The following ITGA7 variants were observed in gnomAD, a reference collection of about 807,000 sequenced individuals.
ITGA7 encodes the protein integrin subunit alpha 7.
A neutral mutation model predicts 131.6 loss-of-function variants in ITGA7; 84 were observed. The ratio of observed to expected loss-of-function variants is 0.64; its 90% CI spans 0.54 to 0.77. The LOEUF (loss-of-function observed/expected upper bound fraction) is 0.77, where lower values mean the gene tolerates loss of function less well. ITGA7 is among the 30% of genes least tolerant of loss of function. ITGA7 has a pLI of 0.00. For synonymous variants in ITGA7, 548 were observed against 600.7 expected, an observed-to-expected ratio of 0.91 and a Z score of 1.28; for missense variants, 1,399 against 1,482.9, an observed-to-expected ratio of 0.94 and a Z score of 0.93.
intron 5 of ITGA7, 58 bp downstream of exon 5, chr12:55,699,812 G>A (rs1480655150): frequency 1.9e-6 from 3 of 1,564,948 alleles, no homozygotes; most frequent in East Asian, 2.3e-5. Flanking sequence ...GAGTTCCCTG[G>A]GGAAGGAGGG....
chr12:55,686,247 G>A, intron 24 of ITGA7: 1 of 1,350,248 alleles, frequency 7.4e-7, no homozygotes, highest in Non-Finnish European at 9.8e-7. Context: ...AGGCTGCACA[G>A]CCAGACAGGC....
chr12:55,712,288 C>A, upstream of ITGA7: 1 of 1,532,076 alleles, frequency 6.5e-7, no homozygotes, highest in South Asian at 1.2e-5. Context: ...TCTCAAGGGC[C>A]CCCTTTCTTT....
At chr12:55,700,524 C>G (rs1873754239) in intron 4 of ITGA7, 1 of 1,132,418 alleles carries the variant, frequency 8.8e-7, no homozygotes, top group Non-Finnish European at 1.2e-6. Context: ...CTGTCCCCAA[C>G]CCAGGCTTCC....
chr12:55,699,605 T>G (rs1873498858), intron 5 of ITGA7: 2 of 526,326 alleles, frequency 3.8e-6, no homozygotes, highest in East Asian at 6.9e-5. Context: ...CAAAATATCC[T>G]CAGCCCTGGC....
At chr12:55,688,981 T>C (rs922677676) in intron 21 of ITGA7, 24 bp from the exon 22 acceptor site, 5 of 1,582,992 alleles carry the variant, frequency 3.2e-6, no homozygotes, top group Non-Finnish European at 3.5e-6. Context: ...CAGACAGGGG[T>C]CTAAGCCACT....
chr12:55,687,080 A>G (rs1433649782), intron 24 of ITGA7, among the ~76,000 whole-genome samples: 2 of 149,814 alleles, frequency 1.3e-5, no homozygotes, highest in East Asian at 2.0e-4. Context: ...TCTCAACTCA[A>G]CACTTCCTGC....
upstream of ITGA7, among the ~76,000 whole-genome samples, chr12:55,712,917 T>C (rs763784443): frequency 1.3e-5 from 2 of 152,170 alleles, no homozygotes; most frequent in Admixed American, 6.5e-5. Context: ...TCTACACCGA[T>C]TGTGAAAATG....
chr12:55,704,526 C>A (rs530393648), intron 1 of ITGA7, among the ~76,000 whole-genome samples: 1 of 152,168 alleles, frequency 6.6e-6, no homozygotes, highest in East Asian at 1.9e-4. Flanking sequence ...CCTACTATGA[C>A]GTCAGATCCG....
At chr12:55,715,916 C>T (rs1876475407), upstream of ITGA7, 4 of 1,116,884 alleles carry the variant, frequency 3.6e-6, no homozygotes, top group Non-Finnish European at 3.7e-6. Context: ...TTCCAACACT[C>T]ACCAAAAACT....
In ITGA7 at chr12:55,688,951, C is replaced by A; in HGVS notation, c.2851G>T (p.Ala951Ser). 6.2e-7 allele frequency: 1 copy of A among 1,613,628 alleles called. No homozygotes were observed. Among genetic ancestry groups the A allele is most frequent in the Non-Finnish European group, 8.5e-7 (1 of 1,179,676 alleles). Residue 951 changes from alanine (A) to serine (S), a missense_variant, in exon 22 of 25, where the codon GCC (alanine) becomes TCC (serine). Physicochemically the swap from Ala to Ser is moderately conservative, Grantham distance 99. Coordinates refer to ENST00000257879, the MANE Select transcript of ITGA7 (RefSeq NM_002206.3). ...ACCACACAGTTGGCCGTGCCCCGGG[C>A]GCAGTCCTAGGGATAAGGACAGACA... is the stretch of plus-strand genomic sequence containing the variant. ...EKKKNITLDC[A>S]RGTANCVVFS...
Position 55,707,822 on chromosome 12 carries a change from C to CCCG in ITGA7, c.-141_-140insCGG. 1 of 1,411,496 alleles carries CCCG rather than the reference C, an allele frequency of 7.1e-7. No homozygotes were observed. The highest frequency in any genetic ancestry group is 9.5e-7 in the Non-Finnish European group (1 of 1,057,386). The allele number at this position is 1,411,496 out of a possible 1,614,324, so 87.4% of individuals were successfully genotyped here. A position where few individuals can be genotyped will look rare whatever the true frequency, so the allele number is the denominator to read the frequency against. Reference sequence around the variant, plus strand: ...TCTCCCAGACGTTCGCCCCGCCAGCCCTCCCGCCCGCCCGCCGCTCCGCCA... The same window carrying CCCG: ...TCTCCCAGACGTTCGCCCCGCCAGCCCCGCTCCCGCCCGCCCGCCGCTCCGCCA... On this transcript the variant is annotated 5_prime_UTR_variant, in exon 1 of 25. Transcript: ENST00000257879.
rs185488818 is a variant in ITGA7 at position 55,704,488 on chromosome 12, G to A, written c.207-1310C>T. 1.7e-3 allele frequency among the ~76,000 whole-genome samples: 253 copies of A among 152,312 alleles called. 2 individuals carry two copies. The highest frequency in any genetic ancestry group is 2.7e-3 in the Non-Finnish European group (181 of 68,020). On this transcript the variant is annotated intron_variant, in intron 1 of 24. Coordinates refer to ENST00000257879, the MANE Select transcript of ITGA7 (RefSeq NM_002206.3). ...GCCAAGCCCTGTGTCAGGCGCTGGT[G>A]AGACAAGGAAATCATATTTATTCAG...
At position 55,694,598 on chromosome 12, in the gene ITGA7, AG is replaced by A. The variant is rs1374437500; in HGVS notation, c.2277+16del. 1.2e-6 allele frequency: 2 copies of A among 1,613,726 alleles called. No individual in the cohort carries two copies. Among genetic ancestry groups the A allele is most frequent in the East Asian group, 4.5e-5 (2 of 44,876 alleles). On this transcript the variant is annotated intron_variant, in intron 16 of 24. Coordinates refer to ENST00000257879, the MANE Select transcript of ITGA7 (RefSeq NM_002206.3). The surrounding 1 kb of genome is among the most constrained non-coding windows in gnomAD (Gnocchi z 5.3). ...TGGAGAGGCTACTCACGTAGGGATA[AG>A]GGCAGATGTGCCAACCTGGGCACCT...
chr12:55,711,173 A>G (rs1435724012), upstream of ITGA7, among the ~76,000 whole-genome samples: 7 of 152,212 alleles, frequency 4.6e-5, no homozygotes, highest in Non-Finnish European at 7.3e-5. Context: ...TATTTTTACA[A>G]CTTCCTCTGA....
chr12:55,696,455 C>T lies in ITGA7; in HGVS notation c.1738-23G>A, dbSNP rs149716542. 1,948 of 1,585,422 alleles carry T rather than the reference C, an allele frequency of 1.2e-3. 23 individuals are homozygous for T. The African/African-American group carries it at 0.024, about 19-fold the overall frequency. On this transcript the variant is annotated intron_variant, in intron 12 of 24. Transcript: ENST00000257879. ...TTCCTAGGAAGAGGAAGGTCTATTCCTCACTGGAACAATCCCCAGGCCTCA... is the reference window on the plus strand; with the variant it reads ...TTCCTAGGAAGAGGAAGGTCTATTCTTCACTGGAACAATCCCCAGGCCTCA...
In ITGA7 at chr12:55,694,588, C is replaced by G. The variant is rs150274527; in HGVS notation, c.2277+27G>C. ...TACGGGCTTATGGAGAGGCTACTCA[C>G]GTAGGGATAAGGGCAGATGTGCCAA... On this transcript the variant is annotated intron_variant, in intron 16 of 24. Coordinates refer to ENST00000257879, the MANE Select transcript of ITGA7 (RefSeq NM_002206.3). The surrounding 1 kb of genome is among the most constrained non-coding windows in gnomAD (Gnocchi z 5.3). 6.2e-7 allele frequency: 1 copy of G among 1,613,372 alleles called. No homozygotes were observed. The highest frequency in any genetic ancestry group is 1.1e-5 in the South Asian group (1 of 91,066).
chr12:55,712,780 C>A (rs1011221856), upstream of ITGA7, among the ~76,000 whole-genome samples: 1 of 152,142 alleles, frequency 6.6e-6, no homozygotes, highest in Non-Finnish European at 1.5e-5. Context: ...TGGAGGATAA[C>A]CCTAGAGAGA....
Position 55,702,655 on chromosome 12 carries a change from G to A in ITGA7, c.414+217C>T, listed in dbSNP as rs150389770. On this transcript the variant is annotated intron_variant, in intron 3 of 24. Coordinates refer to ENST00000257879, the MANE Select transcript of ITGA7 (RefSeq NM_002206.3). ...GATGCTTAAAAGGTTCTCAGTAAGA[G>A]TTTGACAAATGGATGGATGAATGAA... Among the ~76,000 whole-genome samples the A allele has an allele frequency of 8.6e-4, 131 of 152,286 alleles. 3 individuals carry two copies. Among genetic ancestry groups the A allele is most frequent in the East Asian group, 7.3e-3 (38 of 5,172 alleles).
At position 55,694,973 on chromosome 12, in the gene ITGA7, GGA is replaced by G; in HGVS notation, c.2004-5_2004-4del. ...GGGCTGTTGTTCCATCCACATCCCT[GGA>G]GAGTCAGACCCCACTCCTGCTAAGT... On this transcript the variant is annotated splice_polypyrimidine_tract_variant and splice_region_variant and intron_variant, in intron 14 of 24. Coordinates refer to ENST00000257879, the MANE Select transcript of ITGA7 (RefSeq NM_002206.3). The surrounding 1 kb of genome is among the most constrained non-coding windows in gnomAD (Gnocchi z 5.3). 1.9e-6 allele frequency: 3 copies of G among 1,612,748 alleles called. No individual in the cohort carries two copies. The highest frequency in any genetic ancestry group is 1.3e-5 in the African/African-American group (1 of 74,964).
Sources: gnomAD v4.1 joint callset for allele counts (sites outside exome capture counted in the v4.1 genomes callset) on GRCh38, gnomAD v4.1.1 for gene constraint, Gnocchi (gnomAD v3.1) non-coding constraint, MANE v1.5 for transcripts, NCBI Gene and HGNC (gene_info 2026-07-23, HGNC 2026-07-21) for gene names.